Variants in LIPA observed in about 807,000 individuals in gnomAD.
LIPA encodes the protein lipase A, lysosomal acid type.
In LIPA, 26 loss-of-function variants were observed where a neutral mutation model predicts 40.6. That is an observed-to-expected ratio of 0.64 (90% confidence interval 0.47 to 0.89). The LOEUF (loss-of-function observed/expected upper bound fraction) is 0.89, where lower values mean the gene tolerates loss of function less well. LIPA is among the 40% of genes least tolerant of loss of function. LIPA has a pLI of 0.00. For synonymous variants in LIPA, 188 were observed against 168.4 expected (o/e 1.12, Z -0.90); for missense variants, 455 against 479.6 (o/e 0.95, Z 0.48).
chr10:89,342,643 T>A (rs548998608), exon 1 of LIPA: 1 of 152,240 alleles, frequency 6.6e-6, no homozygotes, highest in South Asian at 2.1e-4. Flanking sequence ...AATTGCATGC[T>A]GCAGCCCCTC....
At chr10:89,266,898 A>G (rs1843238909) in intron 1 of LIPA, among the ~76,000 whole-genome samples, 1 of 152,252 alleles carries the variant, frequency 6.6e-6, no homozygotes, top group African/African-American at 2.4e-5. Context: ...CATCTGTAAA[A>G]CTGCAGAGTG....
intron 2 of LIPA, among the ~76,000 whole-genome samples, chr10:89,397,723 C>T (rs1252459768): frequency 6.6e-6 from 1 of 152,032 alleles, no homozygotes; most frequent in Non-Finnish European, 1.5e-5. Flanking sequence ...GGCTTTTCTA[C>T]AAATTATCTA....
intron 4 of LIPA, among the ~76,000 whole-genome samples, chr10:89,227,773 C>T (rs928938394): frequency 2.6e-5 from 4 of 152,024 alleles, no homozygotes; most frequent in Non-Finnish European, 4.4e-5. Flanking sequence ...ATAAGGAAAC[C>T]GAGACACAGG....
chr10:89,404,012 T>C (rs1844488504), intron 2 of LIPA: 1 of 239,518 alleles, frequency 4.2e-6, no homozygotes, highest in African/African-American at 2.3e-5. Flanking sequence ...CATTTTATTG[T>C]GAAATAAAAA....
chr10:89,402,725 G>A (rs764732718), intron 2 of LIPA: 1 of 1,614,224 alleles, frequency 6.2e-7, no homozygotes, highest in Non-Finnish European at 8.5e-7. Flanking sequence ...GGGCCTTGCT[G>A]AAGTGTGGAG....
chr10:89,281,489 A>T (rs2133498234), intron 1 of LIPA, among the ~76,000 whole-genome samples: 2 of 152,360 alleles, frequency 1.3e-5, no homozygotes, highest in South Asian at 4.1e-4. Flanking sequence ...ACATTTTAAC[A>T]GGTGCCCACT....
At chr10:89,403,731 C>CT in intron 2 of LIPA, 4 of 1,324,446 alleles carry the variant, frequency 3.0e-6, no homozygotes, top group Middle Eastern at 3.7e-4. Flanking sequence ...ATATCAGCCA[C>CT]TTTCACATTT....
intron 2 of LIPA, among the ~76,000 whole-genome samples, chr10:89,369,025 C>G (rs1589623969): frequency 6.6e-6 from 1 of 152,098 alleles, no homozygotes; most frequent in Non-Finnish European, 1.5e-5. Flanking sequence ...GTGTCTACCA[C>G]AGGGATTGGA....
At chr10:89,363,202 A>G in intron 2 of LIPA, 1 of 198,238 alleles carries the variant, frequency 5.0e-6, no homozygotes. Context: ...AAACAGACAA[A>G]AAAAGCTAAA....
intron 1 of LIPA, among the ~76,000 whole-genome samples, chr10:89,257,407 T>G (rs1016534136): frequency 1.4e-4 from 22 of 152,288 alleles, no homozygotes; most frequent in Non-Finnish European, 8.8e-5. Flanking sequence ...TTTGGGATGG[T>G]CACTTTATAT....
intron 1 of LIPA, among the ~76,000 whole-genome samples, chr10:89,310,021 T>G (rs930681470): frequency 1.3e-5 from 2 of 152,184 alleles, no homozygotes; most frequent in African/African-American, 2.4e-5. Flanking sequence ...CCCATATCCA[T>G]CAATGACCAT....
intron 2 of LIPA, chr10:89,402,831 T>C (rs538587924): frequency 1.2e-6 from 2 of 1,614,210 alleles, no homozygotes; most frequent in Non-Finnish European, 1.7e-6. Context: ...GATCTCTGCC[T>C]ATCGCCTGGA....
intron 2 of LIPA, among the ~76,000 whole-genome samples, chr10:89,378,547 C>T (rs2133601234): frequency 6.6e-6 from 1 of 152,264 alleles, no homozygotes. Context: ...AAGCAGAGCA[C>T]AGTGGGAGCT....
chr10:89,305,600 A>G (rs1236351285), intron 1 of LIPA, among the ~76,000 whole-genome samples: 2 of 152,210 alleles, frequency 1.3e-5, no homozygotes, highest in African/African-American at 4.8e-5. Context: ...AGAAACAGCA[A>G]TGAAAAAGAC....
At chr10:89,349,929 T>A (rs1446125601) in intron 2 of LIPA, among the ~76,000 whole-genome samples, 1 of 152,202 alleles carries the variant, frequency 6.6e-6, no homozygotes, top group Non-Finnish European at 1.5e-5. Context: ...TCTCTTGTGA[T>A]GGTATCCCCA....
At chr10:89,229,920 A>G (rs2133439462) in intron 3 of LIPA, among the ~76,000 whole-genome samples, 1 of 152,326 alleles carries the variant, frequency 6.6e-6, no homozygotes, top group East Asian at 1.9e-4. Context: ...CAATTTTGCT[A>G]TGAACTTAAA....
At chr10:89,391,825 G>A (rs1393883738) in intron 2 of LIPA, among the ~76,000 whole-genome samples, 1 of 152,158 alleles carries the variant, frequency 6.6e-6, no homozygotes, top group Non-Finnish European at 1.5e-5. Context: ...ACCGCACCCA[G>A]CCAAGAATCA....
At chr10:89,225,978 T>A (rs1460489734) in intron 5 of LIPA, among the ~76,000 whole-genome samples, 1 of 152,206 alleles carries the variant, frequency 6.6e-6, no homozygotes, top group Non-Finnish European at 1.5e-5. Flanking sequence ...TCCATTAAAC[T>A]GTGAGTCCAT....
chr10:89,284,354 C>G (rs1223289295), intron 1 of LIPA: 2 of 152,180 alleles, frequency 1.3e-5, no homozygotes, highest in Non-Finnish European at 2.9e-5. Flanking sequence ...GCATTGGCAG[C>G]TCTAGCAAAG....
Sources: gnomAD v4.1 joint callset for allele counts (sites outside exome capture counted in the v4.1 genomes callset) on GRCh38, gnomAD v4.1.1 for gene constraint, MANE v1.5 for transcripts, NCBI Gene and HGNC (gene_info 2026-07-23, HGNC 2026-07-21) for gene names.